The following MORN1 variants were observed in gnomAD, a reference collection of about 807,000 sequenced individuals.
MORN1 encodes the protein MORN repeat-containing protein 1.
In MORN1, 67 loss-of-function variants were observed where a neutral mutation model predicts 61.9. That is an observed-to-expected ratio of 1.08 (90% CI 0.89 to 1.33). MORN1 has a LOEUF of 1.33. MORN1 is among the 40% of genes most tolerant of loss of function. The probability of loss-of-function intolerance (pLI) is 0.00; values close to 1 mark genes in which losing one functional copy is unlikely to be tolerated. For synonymous variants in MORN1, 301 were observed against 292.0 expected, an observed-to-expected ratio of 1.03 and a Z score of -0.31; for missense variants, 752 against 691.2, an observed-to-expected ratio of 1.09 and a Z score of -0.99.
chr1:2,342,108 A>G (rs1053751080), intron 10 of MORN1, among the ~76,000 whole-genome samples: 2 of 152,264 alleles, frequency 1.3e-5, no homozygotes, highest in African/African-American at 4.8e-5. Flanking sequence ...ACAGCTTTAT[A>G]AGCAAGATAA....
At chr1:2,341,692 GAAAAAAA>G (rs68071614) in intron 10 of MORN1, among the ~76,000 whole-genome samples, 5 of 133,780 alleles carry the variant, frequency 3.7e-5, no homozygotes, top group African/African-American at 8.1e-5. Context: ...TCCGTCTCAA[GAAAAAAA>G]AAAAAAAAAA....
At chr1:2,340,409 C>A (rs978400201) in intron 10 of MORN1, among the ~76,000 whole-genome samples, 5 of 151,984 alleles carry the variant, frequency 3.3e-5, no homozygotes, top group African/African-American at 7.3e-5. Flanking sequence ...TGCTGAGGGG[C>A]CTGCCCTGCC....
At chr1:2,389,596 T>C (rs1281068490) in intron 2 of MORN1, among the ~76,000 whole-genome samples, 1 of 152,250 alleles carries the variant, frequency 6.6e-6, no homozygotes, top group Non-Finnish European at 1.5e-5. Flanking sequence ...CTTCTATTAC[T>C]TGGATTTACT....
In MORN1 at chr1:2,325,125, T is replaced by TCTTTCCTTCCCTCCCTC. The variant is rs1557865179; in HGVS notation, c.1251-983_1251-982insGAGGGAGGGAAGGAAAG. On this transcript the variant is annotated intron_variant, in intron 12 of 13. Coordinates refer to ENST00000378531, the MANE Select transcript of MORN1 (RefSeq NM_024848.3). The stretch of plus-strand genomic sequence containing the variant: ...TCCCCTTTCCTTCCCTTCCTTCCCT[T>TCTTTCCTTCCCTCCCTC]CCTTCCTTCCCTCCCTCCCTCCCTT... Among the ~76,000 whole-genome samples the TCTTTCCTTCCCTCCCTC allele has an allele frequency of 2.6e-4, 8 of 30,794 alleles. 1 individual carries two copies. The highest frequency in any genetic ancestry group is 1.3e-3 in the African/African-American group (6 of 4,630). 20.2% of individuals were successfully genotyped at this position (30,794 alleles called of 152,430 possible).
At chr1:2,354,487 A>G (rs1641717096) in intron 10 of MORN1, among the ~76,000 whole-genome samples, 1 of 152,072 alleles carries the variant, frequency 6.6e-6, no homozygotes, top group African/African-American at 2.4e-5. Flanking sequence ...GGATCACCTG[A>G]GCCCGGGAGG....
At chr1:2,331,623 T>G (rs558379286) in intron 12 of MORN1, among the ~76,000 whole-genome samples, 1 of 152,164 alleles carries the variant, frequency 6.6e-6, no homozygotes, top group African/African-American at 2.4e-5. Flanking sequence ...TCTGTGCCCA[T>G]GAAACCCGGG....
intron 10 of MORN1, among the ~76,000 whole-genome samples, chr1:2,349,680 T>G (rs570636065): frequency 6.6e-6 from 1 of 152,248 alleles, no homozygotes; most frequent in South Asian, 2.1e-4. Flanking sequence ...GGCAATGAAA[T>G]TCCCTGAAAT....
Position 2,336,750 on chromosome 1 carries a change from G to A in MORN1, c.1137C>T (p.Tyr379=), listed in dbSNP as rs369503361. 4 of 1,596,176 alleles carry A rather than the reference G, an allele frequency of 2.5e-6. No homozygotes were observed. The highest frequency in any genetic ancestry group is 2.6e-6 in the Non-Finnish European group (3 of 1,171,990). The change falls in exon 11 of 14, where the codon TAC becomes TAT. Residue 379 remains tyrosine, a synonymous_variant. Coordinates refer to ENST00000378531, the MANE Select transcript of MORN1 (RefSeq NM_024848.3). ...GGCTGTCCAGGAACAGGAAGGGGTG[G>A]TACCCAGGCGGGGGCGGCCCCAGGA... ...DVLLGPPPPG[Y]HPFLFLDSLH...
At chr1:2,328,275 G>A (rs1343615169) in intron 12 of MORN1, among the ~76,000 whole-genome samples, 1 of 152,262 alleles carries the variant, frequency 6.6e-6, no homozygotes, top group East Asian at 1.9e-4. Context: ...GTTTGCAGCG[G>A]GGCTGTGAGG....
chr1:2,378,751 G>A (rs558748869), intron 6 of MORN1: 115 of 363,194 alleles, frequency 3.2e-4, no homozygotes, highest in South Asian at 2.2e-3. Flanking sequence ...TGTTCTGGAG[G>A]ACGTGTGGGG....
intron 10 of MORN1, among the ~76,000 whole-genome samples, chr1:2,353,659 T>C (rs1641699968): frequency 1.3e-5 from 2 of 152,248 alleles, no homozygotes; most frequent in African/African-American, 4.8e-5. Context: ...TTCCGTTTCC[T>C]CTGCAGGGCT....
At position 2,357,687 on chromosome 1, in the gene MORN1, G is replaced by A; in HGVS notation, c.870-89C>T. 7 of 1,449,448 alleles carry A rather than the reference G, an allele frequency of 4.8e-6. No homozygotes were observed. The highest frequency in any genetic ancestry group is 2.3e-5 in the Admixed American group (1 of 43,070). 89.8% of individuals were successfully genotyped at this position (1,449,448 alleles called of 1,614,324 possible). Reference sequence around the variant, plus strand: ...AGCGTGGCCCACGCCCTGGACCCTGGGACTTGCCTACACTGAGTCCAGGGA... The same window carrying A: ...AGCGTGGCCCACGCCCTGGACCCTGAGACTTGCCTACACTGAGTCCAGGGA... On this transcript the variant is annotated intron_variant, in intron 9 of 13. Transcript: ENST00000378531. This position sits in a 1 kb window ranked among gnomAD's most constrained non-coding sequence, Gnocchi z 6.3.
At chr1:2,336,093 C>A (rs1322040085) in intron 12 of MORN1, among the ~76,000 whole-genome samples, 1 of 152,230 alleles carries the variant, frequency 6.6e-6, no homozygotes, top group Admixed American at 6.5e-5. Context: ...CTCACAGAGT[C>A]CCCTCAAGCC....
chr1:2,356,197 C>T (rs1557879715), intron 10 of MORN1, among the ~76,000 whole-genome samples: 1 of 152,142 alleles, frequency 6.6e-6, no homozygotes, highest in Non-Finnish European at 1.5e-5. Flanking sequence ...GGGGAGAGGC[C>T]TTCAGGGGAC....
intron 4 of MORN1, 137 bp downstream of exon 4, chr1:2,387,282 C>T (rs532820624): frequency 2.8e-6 from 2 of 710,126 alleles, no homozygotes; most frequent in East Asian, 2.5e-5. Context: ...GAGAAGAGGG[C>T]ATGGGCCCCC....
At chr1:2,362,068 C>A (rs1399642294) in intron 8 of MORN1, among the ~76,000 whole-genome samples, 1 of 152,066 alleles carries the variant, frequency 6.6e-6, no homozygotes, top group Non-Finnish European at 1.5e-5. Context: ...CCCGTCTCTA[C>A]TAAAAATACA....
chr1:2,328,264 G>A (rs926962457), intron 12 of MORN1, among the ~76,000 whole-genome samples: 2 of 152,248 alleles, frequency 1.3e-5, no homozygotes, highest in South Asian at 2.1e-4. Context: ...CAGGGAGGGC[G>A]GTTTGCAGCG....
chr1:2,348,907 G>A (rs539061314), intron 10 of MORN1, among the ~76,000 whole-genome samples: 1 of 149,300 alleles, frequency 6.7e-6, no homozygotes, highest in South Asian at 2.1e-4. Flanking sequence ...GCACACAAAC[G>A]CACAGGTTCA....
At chr1:2,343,885 G>A (rs1569952696) in intron 10 of MORN1, among the ~76,000 whole-genome samples, 2 of 152,216 alleles carry the variant, frequency 1.3e-5, no homozygotes, top group Middle Eastern at 3.4e-3. Flanking sequence ...AGAGAATGGA[G>A]GAAACCGTGG....
Sources: allele counts gnomAD v4.1 joint callset (sites outside exome capture counted in the v4.1 genomes callset), GRCh38; gene constraint gnomAD v4.1.1; non-coding constraint Gnocchi (gnomAD v3.1); transcripts MANE v1.5; gene names NCBI Gene and HGNC (gene_info 2026-07-23, HGNC 2026-07-21).